GABRP: variants seen among roughly 807,000 people sequenced by gnomAD.
GABRP encodes the protein gamma-aminobutyric acid receptor subunit pi.
GABRP carries 52 observed loss-of-function variants against 47.8 expected under a neutral mutation model. That is an observed-to-expected ratio of 1.09 (90% CI 0.87 to 1.37). The LOEUF (loss-of-function observed/expected upper bound fraction) is 1.37. Ranked by LOEUF, GABRP falls within the 40% of genes most tolerant of loss-of-function variation. The pLI is 0.00. For synonymous variants in GABRP, 221 were observed against 205.8 expected, an observed-to-expected ratio of 1.07 and a Z score of -0.63; for missense variants, 525 against 542.8, an observed-to-expected ratio of 0.97 and a Z score of 0.33.
chr5:170,808,504 A>T, intron 7 of GABRP, 96 bp from the exon 8 acceptor site: 1 of 1,022,168 alleles, frequency 9.8e-7, no homozygotes, highest in South Asian at 1.6e-5. Flanking sequence ...TAGATCAATG[A>T]CAGAGGGCTT....
intron 7 of GABRP, among the ~76,000 whole-genome samples, chr5:170,806,271 T>C (rs974173605): frequency 2.6e-5 from 4 of 152,124 alleles, no homozygotes; most frequent in African/African-American, 7.2e-5. Flanking sequence ...GCAGGAAGTA[T>C]TACTTATTCA....
intron 6 of GABRP, among the ~76,000 whole-genome samples, chr5:170,801,976 A>G (rs1438327916): frequency 1.3e-5 from 2 of 152,222 alleles, no homozygotes; most frequent in African/African-American, 4.8e-5. Context: ...AGGATTATGT[A>G]CAAGAAGGAA....
rs368485090 is a variant in GABRP at position 170,794,593 on chromosome 5, T to C, written c.240+295T>C. ...GAGAGAAACCAGGCAATGAAGTGGG[T>C]ACACTTGGTGATGGATAAAATTTGG... is the stretch of plus-strand genomic sequence containing the variant. On this transcript the variant is annotated intron_variant, in intron 4 of 9. Coordinates refer to ENST00000265294, the MANE Select transcript of GABRP (RefSeq NM_014211.3). Among the ~76,000 whole-genome samples, 19 of 152,070 alleles carry C rather than the reference T, an allele frequency of 1.2e-4. No homozygotes were observed. The East Asian group carries it at 1.5e-3, about 12-fold the overall frequency.
chr5:170,809,766 T>G lies in GABRP; in HGVS notation c.1020+11T>G. 2 of 1,577,684 alleles carry G rather than the reference T, an allele frequency of 1.3e-6. No individual in the cohort carries two copies. Among genetic ancestry groups the G allele is most frequent in the Non-Finnish European group, 1.7e-6 (2 of 1,162,396 alleles). ...GCAGCCAAAGATAGGGTAAGAGTCT[T>G]GAGGGCCCTGTGTATGATCCATCAC... On this transcript the variant is annotated intron_variant, in intron 9 of 9. Transcript: ENST00000265294.
intron 6 of GABRP, among the ~76,000 whole-genome samples, chr5:170,798,082 C>T (rs1765481301): frequency 6.6e-6 from 1 of 152,212 alleles, no homozygotes; most frequent in African/African-American, 2.4e-5. Flanking sequence ...CGCTCTGTCG[C>T]CCAAGCTGGA....
intron 3 of GABRP, among the ~76,000 whole-genome samples, chr5:170,791,231 C>T (rs1189759698): frequency 6.6e-6 from 1 of 152,228 alleles, no homozygotes; most frequent in African/African-American, 2.4e-5. Context: ...CTCATCCCAC[C>T]TGGGGTGAAA....
chr5:170,813,973 C>T lies in GABRP; in HGVS notation c.*1715C>T, dbSNP rs899633471. The T allele has an allele frequency of 5.3e-5, 8 of 152,032 alleles. No homozygotes were observed. The highest frequency in any genetic ancestry group is 1.9e-4 in the African/African-American group (8 of 41,414). 9.4% of individuals were successfully genotyped at this position (152,032 alleles called of 1,614,324 possible). ...TATCTGTTCTGAAACCCCACTTAAG[C>T]ATTGTTTTTATATAAAAACAATGAT... On this transcript the variant is annotated 3_prime_UTR_variant, in exon 10 of 10. Transcript: ENST00000265294.
chr5:170,806,457 T>C (rs1363960763), intron 7 of GABRP, among the ~76,000 whole-genome samples: 2 of 152,228 alleles, frequency 1.3e-5, no homozygotes, highest in Non-Finnish European at 2.9e-5. Context: ...ATATTTTATT[T>C]TATTTAATTG....
rs577581379 is a variant in GABRP at position 170,789,786 on chromosome 5, C to T, written c.172+539C>T. ...CCGCTCCTTCCCCTCCTACAATGCT[C>T]CCCAGTGTACTCAGAATGCTCCCTG... On this transcript the variant is annotated intron_variant, in intron 3 of 9. Transcript: ENST00000265294. Among the ~76,000 whole-genome samples the T allele has an allele frequency of 3.3e-5, 5 of 152,294 alleles. No homozygotes were observed. In the South Asian group the frequency reaches 1.0e-3, roughly 32 times the overall value.
chr5:170,787,348 G>C (rs555056213), intron 1 of GABRP, among the ~76,000 whole-genome samples: 1 of 152,202 alleles, frequency 6.6e-6, no homozygotes, highest in Admixed American at 6.5e-5. Flanking sequence ...CTGAGCCTGA[G>C]CACCCCCATT....
chr5:170,802,334 A>G (rs1765617865), intron 6 of GABRP, among the ~76,000 whole-genome samples: 2 of 152,210 alleles, frequency 1.3e-5, no homozygotes, highest in Admixed American at 1.3e-4. Context: ...GGAGAAATAT[A>G]GTCAAACTCT....
chr5:170,795,617 C>T (rs2127256113), intron 5 of GABRP, among the ~76,000 whole-genome samples, 192 bp downstream of exon 5: 1 of 152,284 alleles, frequency 6.6e-6, no homozygotes. Context: ...TGTGCCAAGC[C>T]CCATGCTGGC....
chr5:170,792,374 A>C (rs1765297621), intron 3 of GABRP, among the ~76,000 whole-genome samples: 1 of 151,900 alleles, frequency 6.6e-6, no homozygotes, highest in East Asian at 1.9e-4. Flanking sequence ...TCCAGGAGGC[A>C]GAGGTTGCAG....
Position 170,812,384 on chromosome 5 carries a change from T to A in GABRP, c.*126T>A. ...ACAAGTGACTGAAATAATATTTGAG[T>A]CTTTCTGCTCAAAGAATGAAGCTCC... On this transcript the variant is annotated 3_prime_UTR_variant, in exon 10 of 10. Coordinates refer to ENST00000265294, the MANE Select transcript of GABRP (RefSeq NM_014211.3). 5.5e-6 allele frequency: 4 copies of A among 726,614 alleles called. No homozygotes were observed. In the South Asian group the frequency reaches 7.3e-5, roughly 13 times the overall value. 45.0% of individuals were successfully genotyped at this position (726,614 alleles called of 1,614,324 possible).
intron 1 of GABRP, among the ~76,000 whole-genome samples, chr5:170,784,908 G>C (rs993431682): frequency 9.9e-5 from 15 of 152,138 alleles, no homozygotes; most frequent in Admixed American, 9.8e-4. Context: ...AGCCTCCTAG[G>C]GCCTCCTGAG....
chr5:170,795,554 C>T, intron 5 of GABRP, 129 bp downstream of exon 5: 2 of 704,414 alleles, frequency 2.8e-6, no homozygotes, highest in Non-Finnish European at 5.0e-6. Flanking sequence ...TAGATCCTTG[C>T]CCCCATAATA....
Position 170,813,788 on chromosome 5 carries a change from A to G in GABRP, c.*1530A>G, listed in dbSNP as rs1765953170. On this transcript the variant is annotated 3_prime_UTR_variant, in exon 10 of 10. Transcript: ENST00000265294. ...GCCACAGGTTCTCATTCCTTTTCCC[A>G]TTATACTTCTCACAATTCAGTTTCT... 6.6e-6 allele frequency: 1 copy of G among 152,114 alleles called. No individual in the cohort carries two copies. Among genetic ancestry groups the G allele is most frequent in the Non-Finnish European group, 1.5e-5 (1 of 68,032 alleles). The allele number at this position is 152,114 out of a possible 1,614,324, so 9.4% of individuals were successfully genotyped here. A position where few individuals can be genotyped will look rare whatever the true frequency, so the allele number is the denominator to read the frequency against.
At position 170,800,197 on chromosome 5, in the gene GABRP, A is replaced by T. The variant is rs1581599837; in HGVS notation, c.541+2649A>T. On this transcript the variant is annotated intron_variant, in intron 6 of 9. Transcript: ENST00000265294. ...CTCAGAAATAATACCACACATCTAC[A>T]ACTATCTGATCTTTGACAAACCTGG... Among the ~76,000 whole-genome samples, 3 of 152,216 alleles carry T rather than the reference A, an allele frequency of 2.0e-5. No individual in the cohort carries two copies. The East Asian group carries it at 5.8e-4, about 29-fold the overall frequency.
At position 170,794,260 on chromosome 5, in the gene GABRP, G is replaced by C. The variant is rs757085002; in HGVS notation, c.202G>C (p.Asp68His). 1 of 1,610,976 alleles carries C rather than the reference G, an allele frequency of 6.2e-7. No individual in the cohort carries two copies. Residue 68 changes from aspartate (D) to histidine (H), a missense_variant, in exon 4 of 10, where the codon GAC becomes CAC. Transcript: ENST00000265294. Reference sequence around the variant, plus strand: ...ACCCGTACAGATAGCGCTGACTCTGGACATTGCAAGTATCTCTAGCATTTC... The same window carrying C: ...ACCCGTACAGATAGCGCTGACTCTGCACATTGCAAGTATCTCTAGCATTTC... ...GEPVQIALTL[D>H]IASISSISES...
Sources: allele counts gnomAD v4.1 joint callset (sites outside exome capture counted in the v4.1 genomes callset), GRCh38; gene constraint gnomAD v4.1.1; transcripts MANE v1.5; gene names NCBI Gene and HGNC (gene_info 2026-07-23, HGNC 2026-07-21).